Variants in PACRG observed in about 807,000 individuals in gnomAD.
PACRG encodes the protein parkin coregulated gene protein.
Under a neutral mutation model 29.7 loss-of-function variants are expected in PACRG, and 29 were observed. That is an observed-to-expected ratio of 0.98 (90% CI 0.73 to 1.33). PACRG has a LOEUF of 1.33. Among genes scored for constraint, PACRG ranks in the 40% most tolerant of loss-of-function variants. The probability of loss-of-function intolerance (pLI) is 0.00; values close to 1 mark genes in which losing one functional copy is unlikely to be tolerated. For missense variants in PACRG, 279 were observed against 316.2 expected, an observed-to-expected ratio of 0.88 and a Z score of 0.89; for synonymous variants, 116 against 118.7, an observed-to-expected ratio of 0.98 and a Z score of 0.15.
chr6:162,771,023 T>C (rs1332997987), intron 1 of PACRG, among the ~76,000 whole-genome samples: 1 of 152,126 alleles, frequency 6.6e-6, no homozygotes, highest in African/African-American at 2.4e-5. Flanking sequence ...TTTCAAATAT[T>C]CCTGTTATAA....
chr6:162,741,498 G>T (rs1200435169), intron 1 of PACRG, among the ~76,000 whole-genome samples: 3 of 152,058 alleles, frequency 2.0e-5, no homozygotes, highest in Non-Finnish European at 4.4e-5. Context: ...ATACATGTTT[G>T]TGAGGAGAGC....
chr6:162,980,192 A>ACG (rs1481421111), intron 2 of PACRG, among the ~76,000 whole-genome samples: 5 of 149,080 alleles, frequency 3.4e-5, no homozygotes, highest in African/African-American at 1.3e-4. Flanking sequence ...ACACACACGC[A>ACG]CACACACACA....
chr6:163,256,066 A>T (rs904844403), intron 4 of PACRG, among the ~76,000 whole-genome samples: 33 of 152,344 alleles, frequency 2.2e-4, no homozygotes, highest in East Asian at 3.9e-4. Context: ...CCAGAGGCTC[A>T]TGTACTATTC....
chr6:163,174,414 T>C (rs1034122491), intron 4 of PACRG, among the ~76,000 whole-genome samples: 8 of 152,316 alleles, frequency 5.3e-5, no homozygotes, highest in South Asian at 2.1e-4. Flanking sequence ...GACCCAAAAC[T>C]TCAGGTTCCC....
intron 4 of PACRG, among the ~76,000 whole-genome samples, chr6:163,272,853 T>G (rs998356368): frequency 1.3e-5 from 2 of 151,780 alleles, no homozygotes; most frequent in Non-Finnish European, 2.9e-5. Context: ...GAACCATCCT[T>G]ACATTTCTGA....
chr6:162,877,929 G>A (rs1455630603), intron 2 of PACRG, among the ~76,000 whole-genome samples: 4 of 152,056 alleles, frequency 2.6e-5, no homozygotes, highest in South Asian at 2.1e-4. Flanking sequence ...AGATAGCAAC[G>A]GTCACCATGG....
In PACRG at chr6:162,999,281, G is replaced by A. The variant is rs139873922; in HGVS notation, c.292-62869G>A. On this transcript the variant is annotated intron_variant, in intron 2 of 4. Transcript: ENST00000366888. The stretch of plus-strand genomic sequence containing the variant: ...TCGTTCCTCTCATTAGAACTATTAC[G>A]TTTCAGAATGCAAATCCTAGCTCTG... 2.5e-4 allele frequency among the ~76,000 whole-genome samples: 38 copies of A among 152,298 alleles called. 1 individual carries two copies. The highest frequency in any genetic ancestry group is 6.3e-4 in the African/African-American group (26 of 41,566).
At chr6:163,215,084 G>T (rs1781309193) in intron 4 of PACRG, among the ~76,000 whole-genome samples, 1 of 151,136 alleles carries the variant, frequency 6.6e-6, no homozygotes, top group African/African-American at 2.4e-5. Flanking sequence ...ATCTACCCAT[G>T]TATTCAGGAA....
At chr6:162,742,336 C>T (rs979677056) in intron 1 of PACRG, among the ~76,000 whole-genome samples, 1 of 152,204 alleles carries the variant, frequency 6.6e-6, no homozygotes, top group African/African-American at 2.4e-5. Flanking sequence ...GGCTCTCATT[C>T]TCTCTTTGTT....
chr6:162,899,042 C>T (rs7738903), intron 2 of PACRG, among the ~76,000 whole-genome samples: 27,486 of 151,964 alleles, frequency 0.18, 2,519 homozygotes, highest in Middle Eastern at 0.2. Context: ...TGTTTAATTC[C>T]GAGGGTGGTT....
chr6:163,162,300 G>A (rs760516017), intron 4 of PACRG, among the ~76,000 whole-genome samples: 6 of 152,206 alleles, frequency 3.9e-5, no homozygotes, highest in Non-Finnish European at 8.8e-5. Flanking sequence ...AATTATCAAC[G>A]TGGCTAGTAA....
At chr6:162,875,917 A>G (rs6455852) in intron 2 of PACRG, among the ~76,000 whole-genome samples, 143,090 of 152,264 alleles carry the variant, frequency 0.94, 67,324 homozygotes, top group East Asian at 1. Flanking sequence ...GCTTGAACTC[A>G]TGTGTCTATC....
intron 2 of PACRG, among the ~76,000 whole-genome samples, chr6:162,993,199 G>A (rs1803625569): frequency 6.6e-6 from 1 of 151,756 alleles, no homozygotes; most frequent in Non-Finnish European, 1.5e-5. Flanking sequence ...GTGTGGTGCT[G>A]AAAAGAATGT....
At chr6:163,076,032 A>G (rs978207647) in intron 3 of PACRG, among the ~76,000 whole-genome samples, 2 of 152,188 alleles carry the variant, frequency 1.3e-5, no homozygotes, top group African/African-American at 4.8e-5. Context: ...TTGGCCAGAC[A>G]TAGTCTAGGG....
intron 4 of PACRG, among the ~76,000 whole-genome samples, chr6:163,104,891 G>C (rs1372057755): frequency 1.3e-5 from 2 of 152,114 alleles, no homozygotes; most frequent in Non-Finnish European, 2.9e-5. Flanking sequence ...AAACACGGTT[G>C]TATATTATAC....
At chr6:163,265,687 G>A (rs1783507018) in intron 4 of PACRG, among the ~76,000 whole-genome samples, 1 of 152,096 alleles carries the variant, frequency 6.6e-6, no homozygotes, top group Non-Finnish European at 1.5e-5. Context: ...CTAAATAAGA[G>A]CAATTCCTTA....
chr6:163,056,994 G>A (rs1585111101), intron 2 of PACRG, among the ~76,000 whole-genome samples: 1 of 152,168 alleles, frequency 6.6e-6, no homozygotes, highest in East Asian at 1.9e-4. Context: ...AGCACCTCTA[G>A]TCTTCAGAAT....
chr6:163,100,650 C>A, intron 4 of PACRG: 3 of 499,126 alleles, frequency 6.0e-6, no homozygotes, highest in Non-Finnish European at 7.8e-6. Context: ...CCTGCCACAC[C>A]TGTGGTTTGC....
At chr6:163,277,502 T>TACACACACAC (rs149681578) in intron 4 of PACRG, among the ~76,000 whole-genome samples, 5 of 144,340 alleles carry the variant, frequency 3.5e-5, no homozygotes, top group African/African-American at 1.3e-4. Flanking sequence ...TATACACACA[T>TACACACACAC]ACACACACAC....
Sources: allele counts gnomAD v4.1 joint callset (sites outside exome capture counted in the v4.1 genomes callset), GRCh38; gene constraint gnomAD v4.1.1; transcripts MANE v1.5; gene names NCBI Gene and HGNC (gene_info 2026-07-23, HGNC 2026-07-21).